The following COL4A2 variants were observed in gnomAD, a reference collection of about 807,000 sequenced individuals.
The protein encoded by COL4A2 is collagen type IV alpha 2 chain.
COL4A2 carries 99 observed loss-of-function variants against 200.2 expected under a neutral mutation model. The ratio of observed to expected loss-of-function variants is 0.49; its 90% CI spans 0.42 to 0.58. COL4A2 has a LOEUF of 0.58. Ranked by LOEUF, COL4A2 falls within the 20% of genes least tolerant of loss-of-function variation. COL4A2 has a pLI of 0.00. For missense variants in COL4A2, 1,950 were observed against 2,314.1 expected (o/e 0.84, Z 3.23); for synonymous variants, 897 against 900.6 (o/e 1.00, Z 0.07).
chr13:110,338,627 G>A (rs530999282), intron 3 of COL4A2, among the ~76,000 whole-genome samples: 4 of 152,340 alleles, frequency 2.6e-5, no homozygotes, highest in Admixed American at 2.6e-4. Context: ...GAAGATTAGG[G>A]GAGAAACGTG....
chr13:110,449,587 T>C, intron 18 of COL4A2, 92 bp from the exon 19 acceptor site: 1 of 1,245,812 alleles, frequency 8.0e-7, no homozygotes. Context: ...TATGGAGCAT[T>C]TGGTAAATAT....
intron 16 of COL4A2, among the ~76,000 whole-genome samples, chr13:110,441,486 C>T (rs1257242859): frequency 6.6e-6 from 1 of 152,188 alleles, no homozygotes; most frequent in South Asian, 2.1e-4. Flanking sequence ...CCCAGGGAGC[C>T]AATGCCAGGC....
intron 4 of COL4A2, among the ~76,000 whole-genome samples, chr13:110,407,565 G>T (rs1297428233): frequency 1.3e-5 from 2 of 152,218 alleles, no homozygotes; most frequent in Non-Finnish European, 2.9e-5. Flanking sequence ...GAAAGGAGTC[G>T]GAGAACACGT....
chr13:110,442,475 C>T (rs113908997), intron 16 of COL4A2, among the ~76,000 whole-genome samples: 99 of 152,336 alleles, frequency 6.5e-4, no homozygotes, highest in African/African-American at 2.4e-3. Context: ...ATTTGTTCCC[C>T]ACCCAACACC....
chr13:110,409,141 G>A lies in COL4A2; in HGVS notation c.181-15593G>A, dbSNP rs567650387. ...CATATACACATGCACATGCACACAC[G>A]CACACATGTACACACATGCACATAT... On this transcript the variant is annotated intron_variant, in intron 4 of 47. Coordinates refer to ENST00000360467, the MANE Select transcript of COL4A2 (RefSeq NM_001846.4). Among the ~76,000 whole-genome samples the A allele has an allele frequency of 1.1e-4, 17 of 148,702 alleles. No homozygotes were observed. The East Asian group carries it at 1.2e-3, about 10-fold the overall frequency.
intron 22 of COL4A2, 108 bp downstream of exon 22, chr13:110,459,042 C>T (rs1881907823): frequency 5.4e-6 from 6 of 1,101,438 alleles, no homozygotes; most frequent in Non-Finnish European, 7.5e-6. Flanking sequence ...ACCGGCAACA[C>T]TCATGGACCC....
At chr13:110,484,146 A>G (rs1184847255) in intron 32 of COL4A2, among the ~76,000 whole-genome samples, 1 of 151,808 alleles carries the variant, frequency 6.6e-6, no homozygotes, top group Non-Finnish European at 1.5e-5. Flanking sequence ...CTCCATGGTA[A>G]TTATTTCCTC....
chr13:110,471,268 C>T (rs1388723016), intron 28 of COL4A2, among the ~76,000 whole-genome samples: 1 of 152,174 alleles, frequency 6.6e-6, no homozygotes, highest in Non-Finnish European at 1.5e-5. Context: ...GGGATGCACC[C>T]ATTATCAGGT....
intron 27 of COL4A2, chr13:110,468,431 C>T (rs936998900): frequency 7.0e-6 from 3 of 425,762 alleles, no homozygotes; most frequent in Non-Finnish European, 1.5e-5. Context: ...GCACGCTCAG[C>T]ACACACCCAG....
intron 4 of COL4A2, among the ~76,000 whole-genome samples, chr13:110,411,752 A>G (rs763237290): frequency 1.3e-5 from 2 of 152,216 alleles, no homozygotes; most frequent in African/African-American, 4.8e-5. Context: ...GAAAAGATGT[A>G]TTCAGAGTCC....
chr13:110,491,155 C>T, intron 36 of COL4A2, 78 bp from the exon 37 acceptor site: 1 of 951,828 alleles, frequency 1.1e-6, no homozygotes, highest in East Asian at 2.6e-5. Flanking sequence ...TGGTTCTGCA[C>T]ATCCTAGAGC....
rs1882227336 is a variant in COL4A2, at chr13:110,466,036, G to A, written c.2012G>A (p.Gly671Asp). Residue 671 changes from glycine (G) to aspartate (D), a missense_variant, in exon 26 of 48, where the codon GGT becomes GAT. Gly to Asp is a moderately conservative substitution (Grantham distance 94, BLOSUM62 -1). Around this residue, in one of 2 missense-constraint regions of COL4A2, gnomAD observed 1,385 missense variants for 1,720.5 expected, o/e 0.80. Coordinates refer to ENST00000360467, the MANE Select transcript of COL4A2 (RefSeq NM_001846.4). Reference protein sequence around the residue: ...CDTDVKRAVGGDRQEAIQPGC... With the variant: ...CDTDVKRAVGDDRQEAIQPGC... ...ACAGATGTGAAAAGGGCCGTTGGAG[G>A]TGACAGACAGGAGGCCATCCAGCCA... 1.2e-6 allele frequency: 2 copies of A among 1,613,892 alleles called. No individual in the cohort carries two copies. Among genetic ancestry groups the A allele is most frequent in the Non-Finnish European group, 8.5e-7 (1 of 1,179,784 alleles).
intron 28 of COL4A2, among the ~76,000 whole-genome samples, chr13:110,471,628 C>T (rs1882470046): frequency 6.6e-6 from 1 of 152,196 alleles, no homozygotes; most frequent in South Asian, 2.1e-4. Context: ...CGTTAAAACT[C>T]TGAGTACGGT....
intron 3 of COL4A2, among the ~76,000 whole-genome samples, chr13:110,337,542 T>C (rs1594155034): frequency 6.6e-6 from 1 of 152,346 alleles, no homozygotes; most frequent in African/African-American, 2.4e-5. Flanking sequence ...GATGTACTGG[T>C]GGCAGGCTCA....
intron 3 of COL4A2, among the ~76,000 whole-genome samples, chr13:110,321,525 T>C (rs1049273427): frequency 6.6e-6 from 1 of 152,190 alleles, no homozygotes; most frequent in African/African-American, 2.4e-5. Flanking sequence ...TTCTACTTTC[T>C]GTCACTTTGA....
chr13:110,471,586 A>T (rs1017403876), intron 28 of COL4A2, among the ~76,000 whole-genome samples: 1 of 152,196 alleles, frequency 6.6e-6, no homozygotes, highest in African/African-American at 2.4e-5. Context: ...TGCCAGTGAA[A>T]GTCATGTCTC....
intron 4 of COL4A2, among the ~76,000 whole-genome samples, chr13:110,371,935 T>C (rs1404463531): frequency 6.6e-6 from 1 of 151,948 alleles, no homozygotes; most frequent in East Asian, 1.9e-4. Context: ...AGACAGGGAA[T>C]TGGCTCATGG....
chr13:110,391,338 T>C (rs1269008935), intron 4 of COL4A2, among the ~76,000 whole-genome samples: 1 of 152,348 alleles, frequency 6.6e-6, no homozygotes, highest in East Asian at 1.9e-4. Flanking sequence ...AGCAAAATGG[T>C]GACTATCAGA....
At chr13:110,416,551 G>T (rs181263839) in intron 4 of COL4A2, among the ~76,000 whole-genome samples, 2 of 152,312 alleles carry the variant, frequency 1.3e-5, no homozygotes, top group East Asian at 3.9e-4. Context: ...AAAAGTTTGG[G>T]CTAAAAGCCA....
Sources: gnomAD v4.1 joint callset for allele counts (sites outside exome capture counted in the v4.1 genomes callset) on GRCh38, gnomAD v4.1.1 for gene constraint, gnomAD v4.1.1 regional missense constraint, MANE v1.5 for transcripts, NCBI Gene and HGNC (gene_info 2026-07-23, HGNC 2026-07-21) for gene names.